RANBP2: variants seen among roughly 807,000 people sequenced by gnomAD.
RANBP2 encodes E3 SUMO-protein ligase RanBP2.
Under a neutral mutation model 303.6 loss-of-function variants are expected in RANBP2, and 57 were observed. That is an observed-to-expected ratio of 0.19 (90% CI 0.15 to 0.23). The LOEUF (loss-of-function observed/expected upper bound fraction) is 0.23. Ranked by LOEUF, RANBP2 falls within the 10% of genes least tolerant of loss-of-function variation. The pLI is 1.00. For synonymous variants in RANBP2, 1,167 were observed against 1,301.5 expected (o/e 0.90, Z 2.23); for missense variants, 3,138 against 3,780.8 (o/e 0.83, Z 4.46).
chr2:109,383,583 G>A, the RANBP2 span, among the ~76,000 whole-genome samples: 2 of 152,134 alleles, frequency 1.3e-5, no homozygotes, highest in Non-Finnish European at 2.9e-5. Context: ...ATTCGGGTCC[G>A]GGAAATGCCC....
the RANBP2 span, among the ~76,000 whole-genome samples, chr2:109,435,095 C>A: frequency 1.3e-5 from 2 of 152,230 alleles, no homozygotes; most frequent in South Asian, 4.1e-4. Context: ...AAGGAAAAGC[C>A]ACTCCAAATC....
chr2:108,943,424 A>C, the RANBP2 span, among the ~76,000 whole-genome samples: 1 of 152,212 alleles, frequency 6.6e-6, no homozygotes, highest in African/African-American at 2.4e-5. Context: ...GATACAGATT[A>C]AACTGCAATC....
At chr2:109,419,663 G>A in the RANBP2 span, 1 of 1,554,112 alleles carries the variant, frequency 6.4e-7, no homozygotes, top group South Asian at 1.2e-5. Context: ...CTTTGTGTCT[G>A]TCGGGGTCCT....
the RANBP2 span, among the ~76,000 whole-genome samples, chr2:109,050,743 G>A: frequency 2.3e-4 from 35 of 151,566 alleles, no homozygotes; most frequent in African/African-American, 6.1e-4. Flanking sequence ...CCAGTATGGC[G>A]TCTTACAATA....
At chr2:109,372,359 C>T in the RANBP2 span, among the ~76,000 whole-genome samples, 1 of 152,308 alleles carries the variant, frequency 6.6e-6, no homozygotes, top group African/African-American at 2.4e-5. Flanking sequence ...GAGTATTTGC[C>T]TATGGCGTGT....
chr2:108,742,996 A>G (rs1196829176), intron 7 of RANBP2, among the ~76,000 whole-genome samples: 1 of 152,184 alleles, frequency 6.6e-6, no homozygotes, highest in East Asian at 1.9e-4. Flanking sequence ...TCACCATGTT[A>G]GCCAGGATGG....
chr2:108,989,238 C>T, the RANBP2 span: 516 of 152,872 alleles, frequency 3.4e-3, 17 homozygotes, highest in Admixed American at 0.029. Flanking sequence ...CAGTCCTTGC[C>T]GAGGGGCTTT....
At chr2:108,746,417 T>G (rs938063668) in intron 7 of RANBP2, among the ~76,000 whole-genome samples, 8 of 148,704 alleles carry the variant, frequency 5.4e-5, no homozygotes, top group Non-Finnish European at 8.9e-5. Flanking sequence ...GAGACTGGGT[T>G]TCACCATGTT....
At chr2:109,079,129 C>G in the RANBP2 span, among the ~76,000 whole-genome samples, 8 of 152,266 alleles carry the variant, frequency 5.3e-5, no homozygotes, top group East Asian at 1.4e-3. Flanking sequence ...GGATTTTCTT[C>G]TGCCTCTGCC....
the RANBP2 span, among the ~76,000 whole-genome samples, chr2:109,582,075 GACACACAC>G: frequency 0.37 from 53,739 of 143,668 alleles, 10,627 homozygotes; most frequent in Middle Eastern, 0.56. Context: ...ATGTACAACA[GACACACAC>G]ACACACACAC....
the RANBP2 span, among the ~76,000 whole-genome samples, chr2:109,558,593 G>A: frequency 6.6e-6 from 1 of 152,162 alleles, no homozygotes; most frequent in Admixed American, 6.5e-5. Flanking sequence ...ATTAAACTAT[G>A]ACTATAGTGC....
chr2:109,488,602 G>A, the RANBP2 span, among the ~76,000 whole-genome samples: 1 of 152,146 alleles, frequency 6.6e-6, no homozygotes, highest in African/African-American at 2.4e-5. Flanking sequence ...ACCCCTCACG[G>A]TTTCTTCTTT....
the RANBP2 span, among the ~76,000 whole-genome samples, chr2:109,708,792 A>G: frequency 6.6e-6 from 1 of 152,124 alleles, no homozygotes; most frequent in Admixed American, 6.5e-5. Flanking sequence ...CCTGGCCAAC[A>G]TGATGAAACC....
At chr2:108,824,738 A>G in the RANBP2 span, among the ~76,000 whole-genome samples, 2 of 152,194 alleles carry the variant, frequency 1.3e-5, no homozygotes, top group Non-Finnish European at 2.9e-5. Flanking sequence ...TATGTGTTAT[A>G]CTTTTATTCT....
the RANBP2 span, among the ~76,000 whole-genome samples, chr2:108,854,439 G>A: frequency 6.6e-6 from 1 of 152,014 alleles, no homozygotes; most frequent in South Asian, 2.1e-4. Context: ...TTTTTAATGA[G>A]AGAATTGATG....
the RANBP2 span, among the ~76,000 whole-genome samples, chr2:109,295,972 C>T: frequency 3.3e-5 from 5 of 152,022 alleles, no homozygotes; most frequent in African/African-American, 9.7e-5. Flanking sequence ...ACATTGCAGC[C>T]CTTCACTATA....
the RANBP2 span, among the ~76,000 whole-genome samples, chr2:109,476,395 G>GT: frequency 6.6e-6 from 1 of 152,120 alleles, no homozygotes; most frequent in African/African-American, 2.4e-5. Flanking sequence ...GAGGTACTGA[G>GT]TAGCCCCTAG....
At chr2:109,185,733 C>T in the RANBP2 span, among the ~76,000 whole-genome samples, 1 of 152,254 alleles carries the variant, frequency 6.6e-6, no homozygotes, top group African/African-American at 2.4e-5. Flanking sequence ...AGACTTTAGA[C>T]AGACAAAACT....
chr2:109,053,700 C>T, the RANBP2 span, among the ~76,000 whole-genome samples: 1 of 152,216 alleles, frequency 6.6e-6, no homozygotes, highest in Non-Finnish European at 1.5e-5. Flanking sequence ...CAGAATCAGA[C>T]AGGTTGGAAA....
Sources: allele counts gnomAD v4.1 joint callset (sites outside exome capture counted in the v4.1 genomes callset), GRCh38; gene constraint gnomAD v4.1.1; transcripts MANE v1.5; gene names NCBI Gene and HGNC (gene_info 2026-07-23, HGNC 2026-07-21).